The following GSG1L variants were observed in gnomAD, a reference collection of about 807,000 sequenced individuals.
GSG1L encodes the protein germ cell-specific gene 1-like protein.
A neutral mutation model predicts 42.1 loss-of-function variants in GSG1L; 24 were observed. The observed-to-expected ratio is 0.57, with a 90% confidence interval of 0.41 to 0.80. The LOEUF (loss-of-function observed/expected upper bound fraction) is 0.80, where lower values mean the gene tolerates loss of function less well. Ranked by LOEUF, GSG1L falls within the 30% of genes least tolerant of loss-of-function variation. GSG1L has a pLI of 0.00. For missense variants in GSG1L, 445 were observed against 472.2 expected (o/e 0.94, Z 0.53); for synonymous variants, 215 against 203.5 (o/e 1.06, Z -0.48).
At chr16:27,806,186 G>A (rs531242103) in intron 6 of GSG1L, among the ~76,000 whole-genome samples, 1 of 152,228 alleles carries the variant, frequency 6.6e-6, no homozygotes, top group Non-Finnish European at 1.5e-5. Context: ...GCACAGACAT[G>A]AAACCATGAT....
At chr16:27,807,650 C>G (rs907952546) in intron 5 of GSG1L, 96 bp from the exon 6 acceptor site, 1 of 1,007,314 alleles carries the variant, frequency 9.9e-7, no homozygotes, top group Non-Finnish European at 1.5e-6. Context: ...ATCTTCCCCC[C>G]TCTGGAGAAT....
intron 1 of GSG1L, among the ~76,000 whole-genome samples, chr16:28,051,192 G>A (rs1182618579): frequency 6.6e-6 from 1 of 152,174 alleles, no homozygotes; most frequent in Non-Finnish European, 1.5e-5. Flanking sequence ...TGGTTGGAGT[G>A]GGCATTTTTT....
At position 27,791,380 on chromosome 16, in the gene GSG1L, T is replaced by C; in HGVS notation, c.986A>G (p.His329Arg). 2 of 1,438,076 alleles carry C rather than the reference T, an allele frequency of 1.4e-6. No individual in the cohort carries two copies. The highest frequency in any genetic ancestry group is 1.8e-6 in the Non-Finnish European group (2 of 1,086,680). 89.1% of individuals were successfully genotyped at this position (1,438,076 alleles called of 1,614,324 possible). ...ELNRQCWVLG[H>R]WV Reference sequence around the variant, plus strand: ...AGGTTGAGGTCTTGGTCACACCCAGTGCCCCAAGACCCAGCACTGTCGGTT... The same window carrying C: ...AGGTTGAGGTCTTGGTCACACCCAGCGCCCCAAGACCCAGCACTGTCGGTT... The change falls in exon 7 of 7, where the codon CAC (histidine) becomes CGC (arginine). Residue 329 changes from histidine to arginine, a missense_variant. This residue lies in a region of GSG1L where 140 missense variants were observed against 120.6 expected (regional missense o/e 1.16). Coordinates refer to ENST00000447459, the MANE Select transcript of GSG1L (RefSeq NM_001109763.2).
At chr16:27,888,415 T>C (rs1371470263) in intron 2 of GSG1L, among the ~76,000 whole-genome samples, 3 of 17,472 alleles carry the variant, frequency 1.7e-4, no homozygotes, top group Non-Finnish European at 4.0e-4. Flanking sequence ...TTTCTTTCTT[T>C]CTTTCTTTCT....
chr16:27,870,309 CCTCTCT>C (rs970963816), intron 3 of GSG1L, among the ~76,000 whole-genome samples: 1 of 147,668 alleles, frequency 6.8e-6, no homozygotes, highest in African/African-American at 2.6e-5. Flanking sequence ...CTCTCTCTCT[CCTCTCT>C]CTCTGTCTCT....
chr16:27,796,944 C>T (rs2082824293), intron 6 of GSG1L, among the ~76,000 whole-genome samples: 1 of 152,146 alleles, frequency 6.6e-6, no homozygotes, highest in African/African-American at 2.4e-5. Flanking sequence ...CCCGGGTGCT[C>T]ACAGGCACAC....
At chr16:27,857,672 A>G (rs1045437802) in intron 3 of GSG1L, among the ~76,000 whole-genome samples, 3 of 152,038 alleles carry the variant, frequency 2.0e-5, no homozygotes, top group Non-Finnish European at 4.4e-5. Context: ...TTTTGAGCTC[A>G]TGGGAGACAC....
intron 6 of GSG1L, among the ~76,000 whole-genome samples, chr16:27,806,184 A>G (rs1259456230): frequency 1.3e-5 from 2 of 152,114 alleles, no homozygotes; most frequent in Non-Finnish European, 1.5e-5. Flanking sequence ...TAGCACAGAC[A>G]TGAAACCATG....
chr16:27,815,096 GATTT>G (rs2083080010), intron 5 of GSG1L, among the ~76,000 whole-genome samples: 1 of 152,110 alleles, frequency 6.6e-6, no homozygotes, highest in Non-Finnish European at 1.5e-5. Flanking sequence ...CACCCAACCA[GATTT>G]GCTTTTTTCA....
chr16:28,012,846 A>T (rs1596700455), intron 1 of GSG1L, among the ~76,000 whole-genome samples: 1 of 150,732 alleles, frequency 6.6e-6, no homozygotes, highest in East Asian at 2.0e-4. Flanking sequence ...GCAGTGAGTT[A>T]TGATCATGCC....
chr16:28,032,819 A>G (rs1299110501), intron 1 of GSG1L, among the ~76,000 whole-genome samples: 1 of 152,060 alleles, frequency 6.6e-6, no homozygotes, highest in African/African-American at 2.4e-5. Context: ...CAATATCCTG[A>G]GTCCATCCAG....
intron 2 of GSG1L, among the ~76,000 whole-genome samples, chr16:27,888,448 CT>C (rs1567505663): frequency 3.3e-4 from 8 of 24,368 alleles, no homozygotes; most frequent in Non-Finnish European, 8.3e-4. Context: ...TTCTTTCTTT[CT>C]TTCTTTCTTT....
chr16:27,916,927 C>T (rs927185549), intron 2 of GSG1L, among the ~76,000 whole-genome samples: 4 of 151,996 alleles, frequency 2.6e-5, no homozygotes, highest in Non-Finnish European at 5.9e-5. Context: ...TTAAGAGTGT[C>T]CAGGCAAGAT....
At chr16:27,979,242 C>T (rs563007038) in intron 1 of GSG1L, among the ~76,000 whole-genome samples, 2 of 151,956 alleles carry the variant, frequency 1.3e-5, no homozygotes, top group African/African-American at 2.4e-5. Context: ...TGAGCCCAGA[C>T]TAGACAACAT....
At chr16:27,980,901 CAAAA>C (rs11390148) in intron 1 of GSG1L, among the ~76,000 whole-genome samples, 3 of 127,048 alleles carry the variant, frequency 2.4e-5, no homozygotes, top group African/African-American at 8.8e-5. Context: ...AACCAAAAAA[CAAAA>C]AAAAAAAAAA....
Position 27,884,667 on chromosome 16 carries a change from G to A in GSG1L, c.398-29C>T, listed in dbSNP as rs918009909. 7.1e-6 allele frequency: 11 copies of A among 1,553,322 alleles called. No individual in the cohort carries two copies. Among genetic ancestry groups the A allele is most frequent in the Non-Finnish European group, 9.6e-6 (11 of 1,147,620 alleles). Reference sequence around the variant, plus strand: ...TCCAACAGAGGCAGAGAGGCCGTGAGATGAGGGGCCACCCAAGATAGACTC... The same window carrying A: ...TCCAACAGAGGCAGAGAGGCCGTGAAATGAGGGGCCACCCAAGATAGACTC... On this transcript the variant is annotated intron_variant, in intron 2 of 6. Coordinates refer to ENST00000447459, the MANE Select transcript of GSG1L (RefSeq NM_001109763.2). The surrounding 1 kb of genome is among the most constrained non-coding windows in gnomAD (Gnocchi z 4.4).
At chr16:27,954,582 C>T (rs922964531) in intron 2 of GSG1L, among the ~76,000 whole-genome samples, 4 of 152,084 alleles carry the variant, frequency 2.6e-5, no homozygotes. Context: ...GTTCCTCTTG[C>T]GGGAAACTGA....
chr16:27,963,264 C>T (rs2085092134), intron 1 of GSG1L, 61 bp from the exon 2 acceptor site: 8 of 1,438,952 alleles, frequency 5.6e-6, no homozygotes, highest in Non-Finnish European at 7.8e-6. Context: ...CCGAGGTTTG[C>T]CTGCTCCCAT....
At chr16:28,014,654 A>ATTTTTTTTTTT (rs3033619) in intron 1 of GSG1L, among the ~76,000 whole-genome samples, 2 of 73,452 alleles carry the variant, frequency 2.7e-5, no homozygotes, top group African/African-American at 5.2e-5. Context: ...CAGGCACGCT[A>ATTTTTTTTTTT]TTTTTTTTTT....
Sources: gnomAD v4.1 joint callset for allele counts (sites outside exome capture counted in the v4.1 genomes callset) on GRCh38, gnomAD v4.1.1 for gene constraint, gnomAD v4.1.1 regional missense constraint, Gnocchi (gnomAD v3.1) non-coding constraint, MANE v1.5 for transcripts, NCBI Gene and HGNC (gene_info 2026-07-23, HGNC 2026-07-21) for gene names.